Variants in CACNA1C observed in about 807,000 individuals in gnomAD.
CACNA1C encodes calcium voltage-gated channel subunit alpha1 C, also known as voltage-dependent L-type calcium channel subunit alpha-1C.
CACNA1C carries 30 observed loss-of-function variants against 229.0 expected under a neutral mutation model. The ratio of observed to expected loss-of-function variants is 0.13; its 90% CI spans 0.10 to 0.18. The LOEUF (loss-of-function observed/expected upper bound fraction) is 0.18. Ranked by LOEUF, CACNA1C falls within the 10% of genes least tolerant of loss-of-function variation. The probability of loss-of-function intolerance (pLI) is 1.00; values close to 1 mark genes in which losing one functional copy is unlikely to be tolerated. For missense variants in CACNA1C, 1,658 were observed against 2,845.0 expected, an observed-to-expected ratio of 0.58 and a Z score of 9.49; for synonymous variants, 1,114 against 1,132.5, an observed-to-expected ratio of 0.98 and a Z score of 0.33.
At chr12:2,460,313 A>T (rs1316933771) in intron 5 of CACNA1C, among the ~76,000 whole-genome samples, 2 of 152,230 alleles carry the variant, frequency 1.3e-5, no homozygotes, top group Non-Finnish European at 2.9e-5. Flanking sequence ...CCTCAAAGAT[A>T]ATGGGGCCAA....
At chr12:2,015,585 GC>G (rs2154485112) in intron 1 of CACNA1C, among the ~76,000 whole-genome samples, 1 of 152,194 alleles carries the variant, frequency 6.6e-6, no homozygotes, top group East Asian at 1.9e-4. Context: ...AGAGCCTAGG[GC>G]GAAAGTTCTC....
chr12:2,584,425 G>T (rs748973608), intron 15 of CACNA1C, 78 bp from the exon 16 acceptor site: 3 of 963,250 alleles, frequency 3.1e-6, no homozygotes, highest in Middle Eastern at 2.3e-4. Flanking sequence ...TACCCTGCAC[G>T]CCCCACATCC....
intron 1 of CACNA1C, among the ~76,000 whole-genome samples, chr12:1,989,848 C>T (rs1406429513): frequency 6.6e-6 from 1 of 152,188 alleles, no homozygotes; most frequent in Non-Finnish European, 1.5e-5. Context: ...TAAGTGATTA[C>T]TATATGGGAA....
intron 1 of CACNA1C, among the ~76,000 whole-genome samples, chr12:1,989,604 C>T (rs1374681059): frequency 6.6e-6 from 1 of 152,086 alleles, no homozygotes; most frequent in East Asian, 2.0e-4. Flanking sequence ...ATCCCAGCTA[C>T]TCAGAGGCTG....
At chr12:2,295,682 C>T (rs1385837551) in intron 3 of CACNA1C, among the ~76,000 whole-genome samples, 3 of 152,222 alleles carry the variant, frequency 2.0e-5, no homozygotes, top group African/African-American at 7.2e-5. Context: ...GGGTTGGTCA[C>T]AGTGCTAGAC....
chr12:1,991,666 T>A, intron 1 of CACNA1C: 1 of 175,172 alleles, frequency 5.7e-6, no homozygotes, highest in Non-Finnish European at 1.2e-5. Context: ...ACTATCATAG[T>A]GGACAGCACA....
intron 3 of CACNA1C, among the ~76,000 whole-genome samples, chr12:2,182,858 A>G (rs2096883147): frequency 1.3e-5 from 2 of 152,246 alleles, no homozygotes; most frequent in African/African-American, 4.8e-5. Flanking sequence ...TCTTGCAGGC[A>G]GGGTTTAGAT....
intron 3 of CACNA1C, among the ~76,000 whole-genome samples, chr12:2,291,887 T>A (rs1372990750): frequency 1.3e-5 from 2 of 152,212 alleles, no homozygotes; most frequent in Non-Finnish European, 2.9e-5. Flanking sequence ...AAGAGAGAGA[T>A]CCTAATTAGG....
intron 10 of CACNA1C, among the ~76,000 whole-genome samples, chr12:2,553,894 G>C (rs556660754): frequency 6.6e-6 from 1 of 152,224 alleles, no homozygotes; most frequent in Non-Finnish European, 1.5e-5. Context: ...ATTCTATGCC[G>C]TGCAAGGGCA....
chr12:2,467,714 C>G lies in CACNA1C; in HGVS notation c.757+10008C>G, dbSNP rs1010109021. 6.6e-6 allele frequency among the ~76,000 whole-genome samples: 1 copy of G among 152,216 alleles called. No individual in the cohort carries two copies. The highest frequency in any genetic ancestry group is 2.4e-5 in the African/African-American group (1 of 41,462). On this transcript the variant is annotated intron_variant, in intron 5 of 46. Coordinates refer to ENST00000399655, the MANE Select transcript of CACNA1C (RefSeq NM_000719.7). The surrounding 1 kb of genome is among the most constrained non-coding windows in gnomAD (Gnocchi z 4.6). ...GCACCTGCCAGGCCCACCCTCTCCC[C>G]CGGTGTCTCCTGATCTCCCAGTGTG...
At position 2,403,064 on chromosome 12, in the gene CACNA1C, G is replaced by C. The variant is rs1057014656; in HGVS notation, c.478-45912G>C. Among the ~76,000 whole-genome samples the C allele has an allele frequency of 1.3e-5, 2 of 152,220 alleles. No homozygotes were observed. Among genetic ancestry groups the C allele is most frequent in the Non-Finnish European group, 2.9e-5 (2 of 68,036 alleles). On this transcript the variant is annotated intron_variant, in intron 3 of 46. Coordinates refer to ENST00000399655, the MANE Select transcript of CACNA1C (RefSeq NM_000719.7). This position sits in a 1 kb window ranked among gnomAD's most constrained non-coding sequence, Gnocchi z 4.1. ...TAGAATAGCACTGTGGGGCAGGGCA[G>C]AGGGACTTGTGTGTGTAGGCAGCAG... is the stretch of plus-strand genomic sequence containing the variant.
At chr12:2,186,476 A>G (rs1322632893) in intron 3 of CACNA1C, among the ~76,000 whole-genome samples, 1 of 152,208 alleles carries the variant, frequency 6.6e-6, no homozygotes, top group East Asian at 1.9e-4. Context: ...CCTGTACCCA[A>G]GAGAACTTGC....
At chr12:2,299,517 G>T (rs1353541245) in intron 3 of CACNA1C, among the ~76,000 whole-genome samples, 1 of 152,126 alleles carries the variant, frequency 6.6e-6, no homozygotes, top group Admixed American at 6.5e-5. Flanking sequence ...AGGGGTTCCT[G>T]TGGGACCAGT....
At chr12:2,534,299 G>A (rs1286063595) in intron 9 of CACNA1C, among the ~76,000 whole-genome samples, 1 of 152,212 alleles carries the variant, frequency 6.6e-6, no homozygotes, top group East Asian at 1.9e-4. Context: ...GGAAAGGGAA[G>A]GTGTAGTTAG....
At chr12:2,518,440 C>A (rs2099802398) in intron 9 of CACNA1C, among the ~76,000 whole-genome samples, 1 of 152,170 alleles carries the variant, frequency 6.6e-6, no homozygotes. Flanking sequence ...AACCCCGTCT[C>A]TACTAAAAAT....
In CACNA1C at chr12:1,998,485, T is replaced by C. The variant is rs181800014; in HGVS notation, c.139+27284T>C. 5.3e-5 allele frequency among the ~76,000 whole-genome samples: 8 copies of C among 152,322 alleles called. No homozygotes were observed. In the East Asian group the frequency reaches 1.5e-3, roughly 29 times the overall value. On this transcript the variant is annotated intron_variant, in intron 1 of 46. Transcript: ENST00000682462. ...TTTGACTGCTAGACAGAGAGGGCAA[T>C]GATGCCACAGAGTTCTCAGATGAAT... is the stretch of plus-strand genomic sequence containing the variant.
rs1463631270 is a variant in CACNA1C, at chr12:2,287,645, A to G, written c.478-161331A>G. On this transcript the variant is annotated intron_variant, in intron 3 of 46. Transcript: ENST00000399655. The surrounding 1 kb of genome is among the most constrained non-coding windows in gnomAD (Gnocchi z 4.6). ...AAGAATCATCTGGGATCATTTAACA[A>G]AAAACAATGCCAGGATCCTACAGTC... is the stretch of plus-strand genomic sequence containing the variant. 2.6e-5 allele frequency among the ~76,000 whole-genome samples: 4 copies of G among 152,186 alleles called. No homozygotes were observed. The highest frequency in any genetic ancestry group is 9.7e-5 in the African/African-American group (4 of 41,448).
intron 3 of CACNA1C, among the ~76,000 whole-genome samples, chr12:2,242,071 T>G (rs984163555): frequency 6.6e-6 from 1 of 152,180 alleles, no homozygotes; most frequent in African/African-American, 2.4e-5. Context: ...TTGTGCCCTC[T>G]GCATAGCCCC....
chr12:2,271,735 CA>C (rs917762077), intron 3 of CACNA1C, among the ~76,000 whole-genome samples: 150 of 144,836 alleles, frequency 1.0e-3, no homozygotes, highest in African/African-American at 2.0e-3. Context: ...CCCATCTCTA[CA>C]AAAAAAAAAA....
Sources: allele counts gnomAD v4.1 joint callset (sites outside exome capture counted in the v4.1 genomes callset), GRCh38; gene constraint gnomAD v4.1.1; non-coding constraint Gnocchi (gnomAD v3.1); transcripts MANE v1.5; gene names NCBI Gene and HGNC (gene_info 2026-07-23, HGNC 2026-07-21).